The following ADAMTSL1 variants were observed in gnomAD, a reference collection of about 807,000 sequenced individuals.
The protein encoded by ADAMTSL1 is ADAMTS-like protein 1.
Under a neutral mutation model 201.8 loss-of-function variants are expected in ADAMTSL1, and 126 were observed. The observed-to-expected ratio is 0.62, with a 90% confidence interval of 0.54 to 0.72. The LOEUF (loss-of-function observed/expected upper bound fraction) is 0.72. Among genes scored for constraint, ADAMTSL1 ranks in the 30% least tolerant of loss-of-function variants. The pLI is 0.00. For missense variants in ADAMTSL1, 2,679 were observed against 2,277.8 expected, an observed-to-expected ratio of 1.18 and a Z score of -3.59; for synonymous variants, 1,121 against 903.4, an observed-to-expected ratio of 1.24 and a Z score of -4.32.
At chr9:18,198,424 C>G (rs955303566) in intron 2 of ADAMTSL1, among the ~76,000 whole-genome samples, 2 of 148,510 alleles carry the variant, frequency 1.3e-5, no homozygotes, top group African/African-American at 4.9e-5. Context: ...AAAAAACAAA[C>G]AACCCCATCA....
In ADAMTSL1 at chr9:18,817,200, G is replaced by A. The variant is rs376432395; in HGVS notation, c.3897G>A (p.Val1299=). The part of the protein sequence containing the change: ...TVDIGSTIKT[V]QGVNVTINCQ... ...ATATAGGAAGCACCATCAAAACAGT[G>A]CAGGGAGTGAATGTGACAATCAACT... is the stretch of plus-strand genomic sequence containing the variant. Residue 1299 remains valine, a synonymous_variant, in exon 21 of 29, where the codon GTG becomes GTA. Coordinates refer to ENST00000380548, the MANE Select transcript of ADAMTSL1 (RefSeq NM_001040272.6). The A allele has an allele frequency of 3.4e-5, 54 of 1,566,156 alleles. No homozygotes were observed. The highest frequency in any genetic ancestry group is 3.5e-6 in the Non-Finnish European group (4 of 1,154,616).
chr9:18,405,159 C>G (rs1022040022), intron 2 of ADAMTSL1, among the ~76,000 whole-genome samples: 1 of 152,114 alleles, frequency 6.6e-6, no homozygotes, highest in African/African-American at 2.4e-5. Flanking sequence ...CTGTGCAGTT[C>G]CAACTATATT....
intron 1 of ADAMTSL1, among the ~76,000 whole-genome samples, chr9:18,112,397 T>C (rs1478035687): frequency 6.6e-6 from 1 of 152,066 alleles, no homozygotes; most frequent in Admixed American, 6.6e-5. Flanking sequence ...CATTGAGGTA[T>C]GTTCCATACA....
chr9:18,772,384 C>T lies in ADAMTSL1; in HGVS notation c.2397+1603C>T, dbSNP rs543624019. Among the ~76,000 whole-genome samples, 65 of 152,168 alleles carry T rather than the reference C, an allele frequency of 4.3e-4. 2 individuals carry two copies. In the South Asian group the frequency reaches 0.013, roughly 30 times the overall value. ...AAGATTCAGAAAATGTTCTTTTGTG[C>T]CTGCAGATTTGAGGGGGACCTTTGA... On this transcript the variant is annotated intron_variant, in intron 17 of 28. Coordinates refer to ENST00000380548, the MANE Select transcript of ADAMTSL1 (RefSeq NM_001040272.6).
In ADAMTSL1 at chr9:18,770,753, G is replaced by A; in HGVS notation, c.2369G>A (p.Ser790Asn). Residue 790 changes from serine (S) to asparagine (N), a missense_variant, in exon 17 of 29, where the codon AGC becomes AAC. By Grantham distance (46) the Ser-to-Asn change is conservative. Coordinates refer to ENST00000380548, the MANE Select transcript of ADAMTSL1 (RefSeq NM_001040272.6). ...QQACKKDDCP[S>N]EWLLSDWTEC... ...GCATGCAAGAAAGATGACTGTCCCAGCGAGTGGCTTCTCTCAGACTGGACA... is the reference window on the plus strand; with the variant it reads ...GCATGCAAGAAAGATGACTGTCCCAACGAGTGGCTTCTCTCAGACTGGACA... 1 of 1,613,888 alleles carries A rather than the reference G, an allele frequency of 6.2e-7. No homozygotes were observed. The highest frequency in any genetic ancestry group is 2.2e-5 in the East Asian group (1 of 44,886).
chr9:17,971,179 C>T (rs1755277), intron 1 of ADAMTSL1, among the ~76,000 whole-genome samples: 123,035 of 151,722 alleles, frequency 0.81, 50,268 homozygotes, highest in East Asian at 0.92. Flanking sequence ...AACACGTTTG[C>T]CTTTAATTGA....
At chr9:18,536,947 A>G (rs1222089698) in intron 3 of ADAMTSL1, among the ~76,000 whole-genome samples, 1 of 151,968 alleles carries the variant, frequency 6.6e-6, no homozygotes, top group Non-Finnish European at 1.5e-5. Flanking sequence ...CACTATCCTT[A>G]AGGTTCATAT....
chr9:18,611,277 C>A, intron 4 of ADAMTSL1, among the ~76,000 whole-genome samples: 1 of 152,160 alleles, frequency 6.6e-6, no homozygotes, highest in Non-Finnish European at 1.5e-5. Flanking sequence ...GAGACAGAAG[C>A]AAGGCCAGAG....
At chr9:18,649,924 TCAGA>T (rs1346251474) in intron 7 of ADAMTSL1, among the ~76,000 whole-genome samples, 2 of 152,150 alleles carry the variant, frequency 1.3e-5, no homozygotes, top group Non-Finnish European at 2.9e-5. Flanking sequence ...TTCAAAGCTG[TCAGA>T]CAGGGACATT....
intron 13 of ADAMTSL1, among the ~76,000 whole-genome samples, chr9:18,697,862 T>C (rs1243434960): frequency 6.6e-6 from 1 of 152,202 alleles, no homozygotes; most frequent in Non-Finnish European, 1.5e-5. Flanking sequence ...ATTATGGACA[T>C]TTTAAGTTGG....
intron 23 of ADAMTSL1, among the ~76,000 whole-genome samples, chr9:18,843,700 A>G (rs1283577218): frequency 6.6e-6 from 1 of 150,882 alleles, no homozygotes. Context: ...GTCTTTTCAC[A>G]TAGTCCCATA....
intron 16 of ADAMTSL1, among the ~76,000 whole-genome samples, chr9:18,761,854 C>T (rs980330486): frequency 4.6e-5 from 7 of 152,184 alleles, no homozygotes; most frequent in Admixed American, 1.3e-4. Context: ...GGAGCAAAAT[C>T]CCTGACATTT....
chr9:18,112,074 T>C (rs1175952158), intron 1 of ADAMTSL1, among the ~76,000 whole-genome samples: 2 of 152,096 alleles, frequency 1.3e-5, no homozygotes, highest in South Asian at 2.1e-4. Context: ...ACTTATGTAG[T>C]AGAGGTTTAT....
chr9:18,401,683 T>C (rs919121141), intron 2 of ADAMTSL1, among the ~76,000 whole-genome samples: 7 of 152,210 alleles, frequency 4.6e-5, no homozygotes, highest in African/African-American at 1.4e-4. Flanking sequence ...CTTCTTGCCT[T>C]CTTTTTTTTA....
intron 1 of ADAMTSL1, among the ~76,000 whole-genome samples, chr9:18,110,532 C>G (rs1056150782): frequency 2.6e-5 from 4 of 152,154 alleles, no homozygotes; most frequent in Non-Finnish European, 4.4e-5. Flanking sequence ...CAACCCCTAT[C>G]TGAGACATCC....
intron 2 of ADAMTSL1, among the ~76,000 whole-genome samples, chr9:18,314,137 T>C (rs1834266068): frequency 6.6e-6 from 1 of 152,154 alleles, no homozygotes; most frequent in African/African-American, 2.4e-5. Flanking sequence ...TGAGATATCA[T>C]CTCACATCTG....
chr9:18,330,037 C>G (rs4382567), intron 2 of ADAMTSL1, among the ~76,000 whole-genome samples: 48,294 of 152,068 alleles, frequency 0.32, 8,609 homozygotes, highest in Admixed American at 0.51. Flanking sequence ...TAAAACAGGT[C>G]TGGCCTTTTT....
intron 1 of ADAMTSL1, among the ~76,000 whole-genome samples, chr9:18,097,074 C>A (rs1198968238): frequency 6.6e-6 from 1 of 152,142 alleles, no homozygotes; most frequent in Non-Finnish European, 1.5e-5. Context: ...GTCCCTTGTC[C>A]ACCTTCCTAG....
At chr9:18,409,873 C>T (rs1156297387) in intron 2 of ADAMTSL1, among the ~76,000 whole-genome samples, 1 of 149,670 alleles carries the variant, frequency 6.7e-6, no homozygotes, top group Non-Finnish European at 1.5e-5. Context: ...TATATGTATA[C>T]ATATATATAG....
Sources: gnomAD v4.1 joint callset for allele counts (sites outside exome capture counted in the v4.1 genomes callset) on GRCh38, gnomAD v4.1.1 for gene constraint, MANE v1.5 for transcripts, NCBI Gene and HGNC (gene_info 2026-07-23, HGNC 2026-07-21) for gene names.